EGF: variants seen among roughly 807,000 people sequenced by gnomAD.
EGF encodes the protein pro-epidermal growth factor.
A neutral mutation model predicts 143.8 loss-of-function variants in EGF; 95 were observed. The observed-to-expected ratio is 0.66, with a 90% CI of 0.56 to 0.78. The LOEUF is 0.78. EGF is among the 30% of genes least tolerant of loss of function. EGF has a pLI of 0.00. For synonymous variants in EGF, 510 were observed against 510.5 expected (o/e 1.00, Z 0.01); for missense variants, 1,320 against 1,470.9 (o/e 0.90, Z 1.68).
intron 1 of EGF, among the ~76,000 whole-genome samples, chr4:109,939,354 G>A (rs908518239): frequency 2.0e-5 from 3 of 152,240 alleles, no homozygotes; most frequent in Admixed American, 6.5e-5. Flanking sequence ...GCCAGGCAGG[G>A]GAGGGAACAT....
At chr4:109,968,696 C>CTATCTATCTATT (rs1747030979) in intron 10 of EGF, 1 of 420,986 alleles carries the variant, frequency 2.4e-6, no homozygotes, top group Non-Finnish European at 4.4e-6. Context: ...ATCTATCTAT[C>CTATCTATCTATT]TATCTATCTA....
chr4:109,974,550 G>T (rs1748179712), intron 11 of EGF, among the ~76,000 whole-genome samples, 153 bp from the exon 12 acceptor site: 1 of 152,204 alleles, frequency 6.6e-6, no homozygotes, highest in Admixed American at 6.5e-5. Flanking sequence ...GTGGGTGGGG[G>T]AGAGAGAAAG....
intron 10 of EGF, 109 bp downstream of exon 10, chr4:109,964,646 A>G (rs888637514): frequency 6.9e-7 from 1 of 1,457,558 alleles, no homozygotes; most frequent in African/African-American, 1.4e-5. Context: ...TAAGTTCTGA[A>G]TGATTAGGCA....
chr4:109,976,732 G>A (rs1748558336), intron 13 of EGF, among the ~76,000 whole-genome samples: 2 of 152,092 alleles, frequency 1.3e-5, no homozygotes, highest in Non-Finnish European at 2.9e-5. Context: ...GTACAAAATG[G>A]CAATGAAATA....
chr4:109,922,119 T>C (rs1737906569), intron 1 of EGF, among the ~76,000 whole-genome samples: 1 of 151,606 alleles, frequency 6.6e-6, no homozygotes, highest in Admixed American at 6.6e-5. Context: ...ATTGCAAAGG[T>C]TATTGTCATT....
intron 1 of EGF, among the ~76,000 whole-genome samples, chr4:109,920,380 G>A (rs1243646978): frequency 3.3e-5 from 5 of 151,572 alleles, no homozygotes; most frequent in Admixed American, 6.6e-5. Context: ...ATTGGAGAGC[G>A]TTTTCAAAAT....
At chr4:110,004,191 C>G in intron 21 of EGF, 1 of 397,798 alleles carries the variant, frequency 2.5e-6, no homozygotes, top group South Asian at 2.1e-5. Flanking sequence ...CAAGGCTATT[C>G]CCCCCAACAT....
chr4:109,946,354 A>G (rs1742864517), intron 5 of EGF, among the ~76,000 whole-genome samples: 1 of 152,242 alleles, frequency 6.6e-6, no homozygotes, highest in Non-Finnish European at 1.5e-5. Context: ...AACCTGCTCT[A>G]GTGATCTCTG....
intron 8 of EGF, among the ~76,000 whole-genome samples, chr4:109,962,731 C>T (rs11568949): frequency 0.016 from 2,388 of 152,172 alleles, 60 homozygotes; most frequent in African/African-American, 0.054. Flanking sequence ...GAAAAATAAC[C>T]TTGATTGCAG....
chr4:109,970,626 A>G (rs563718219), intron 11 of EGF, among the ~76,000 whole-genome samples: 75 of 152,126 alleles, frequency 4.9e-4, no homozygotes, highest in South Asian at 6.2e-4. Context: ...GGAGATCGAG[A>G]CCATCCTGGC....
intron 10 of EGF, among the ~76,000 whole-genome samples, chr4:109,968,183 A>G (rs1036784257): frequency 6.6e-6 from 1 of 152,214 alleles, no homozygotes; most frequent in African/African-American, 2.4e-5. Flanking sequence ...TCGTATATGC[A>G]GTTCATCATC....
intron 22 of EGF, among the ~76,000 whole-genome samples, chr4:110,006,048 A>G (rs377569527): frequency 1.3e-4 from 14 of 110,006 alleles, no homozygotes; most frequent in African/African-American, 8.5e-4. Flanking sequence ...AGTATGGGGG[A>G]AAAAAATAGA....
chr4:109,945,079 T>C lies in EGF; in HGVS notation c.744T>C (p.Asn248=), dbSNP rs1365508961. The change falls in exon 5 of 24, where the codon AAT becomes AAC. Residue 248 remains asparagine, a synonymous_variant. Transcript: ENST00000265171. Reference sequence around the variant, plus strand: ...TTTTGTGGTTGCTTTTTAGGCATAATTTGTTTGCAATGTCCCTTTTTGGTG... The same window carrying C: ...TTTTGTGGTTGCTTTTTAGGCATAACTTGTTTGCAATGTCCCTTTTTGGTG... ...VHISKHPTQH[N]LFAMSLFGDR... is the part of the protein sequence containing the mutation. The C allele has an allele frequency of 1.9e-6, 3 of 1,614,194 alleles. No individual in the cohort carries two copies. The South Asian group carries it at 3.3e-5, about 18-fold the overall frequency.
At chr4:109,929,723 AT>A in intron 1 of EGF, among the ~76,000 whole-genome samples, 1 of 152,258 alleles carries the variant, frequency 6.6e-6, no homozygotes, top group Non-Finnish European at 1.5e-5. Context: ...CATTTTTTTA[AT>A]GGAATTAAGA....
intron 1 of EGF, among the ~76,000 whole-genome samples, chr4:109,938,440 T>G (rs1247347654): frequency 6.6e-6 from 1 of 152,208 alleles, no homozygotes; most frequent in Admixed American, 6.5e-5. Context: ...GTTTTTAGCT[T>G]CCTTGCGATG....
chr4:109,978,823 G>A (rs987282557), intron 13 of EGF, among the ~76,000 whole-genome samples: 3 of 152,216 alleles, frequency 2.0e-5, no homozygotes, highest in African/African-American at 7.2e-5. Flanking sequence ...CCAGAGACTA[G>A]AATGAATCTT....
intron 22 of EGF, among the ~76,000 whole-genome samples, chr4:110,007,586 TGAAGA>T (rs753100444): frequency 2.6e-5 from 4 of 152,254 alleles, no homozygotes; most frequent in Non-Finnish European, 4.4e-5. Flanking sequence ...TTTTGTTGAC[TGAAGA>T]GAAATGTTGT....
intron 16 of EGF, among the ~76,000 whole-genome samples, chr4:109,984,071 T>C (rs1157335285): frequency 2.6e-5 from 4 of 152,190 alleles, no homozygotes; most frequent in Non-Finnish European, 1.5e-5. Flanking sequence ...GTCTTTCTTG[T>C]TCCATATTCA....
At chr4:109,956,020 A>T (rs558061552) in intron 5 of EGF, among the ~76,000 whole-genome samples, 2 of 152,328 alleles carry the variant, frequency 1.3e-5, no homozygotes, top group East Asian at 3.9e-4. Context: ...ACCTGAGACA[A>T]TAGTTGTTTT....
Sources: gnomAD v4.1 joint callset for allele counts (sites outside exome capture counted in the v4.1 genomes callset) on GRCh38, gnomAD v4.1.1 for gene constraint, MANE v1.5 for transcripts, NCBI Gene and HGNC (gene_info 2026-07-23, HGNC 2026-07-21) for gene names.